The following PALD1 variants were observed in gnomAD, a reference collection of about 807,000 sequenced individuals.
PALD1 encodes the protein paladin.
Under a neutral mutation model 96.0 loss-of-function variants are expected in PALD1, and 57 were observed. The observed-to-expected ratio is 0.59, with a 90% CI of 0.48 to 0.74. The LOEUF is 0.74. Ranked by LOEUF, PALD1 falls within the 30% of genes least tolerant of loss-of-function variation. The probability of loss-of-function intolerance (pLI) is 0.00; values close to 1 mark genes in which losing one functional copy is unlikely to be tolerated. For missense variants in PALD1, 1,063 were observed against 1,143.7 expected, an observed-to-expected ratio of 0.93 and a Z score of 1.02; for synonymous variants, 464 against 473.6, an observed-to-expected ratio of 0.98 and a Z score of 0.26.
At chr10:70,538,837 T>G (rs1159973233) in intron 12 of PALD1, 55 bp from the exon 13 acceptor site, 39 of 1,497,250 alleles carry the variant, frequency 2.6e-5, no homozygotes, top group Non-Finnish European at 3.5e-5. Flanking sequence ...GTCCTGACCC[T>G]TTCTGCGGCT....
At chr10:70,490,580 TA>T (rs990235817) in intron 1 of PALD1, among the ~76,000 whole-genome samples, 5 of 152,124 alleles carry the variant, frequency 3.3e-5, no homozygotes, top group African/African-American at 1.2e-4. Context: ...ACAAAACTAT[TA>T]AAAAAACAGG....
At chr10:70,564,336 A>G in intron 18 of PALD1, 28 bp from the exon 19 acceptor site, 2 of 1,600,702 alleles carry the variant, frequency 1.2e-6, no homozygotes, top group Non-Finnish European at 1.7e-6. Context: ...ATCCCCCCAC[A>G]CTGACCCCAC....
At chr10:70,465,249 C>A in the PALD1 span, among the ~76,000 whole-genome samples, 1 of 152,236 alleles carries the variant, frequency 6.6e-6, no homozygotes, top group Non-Finnish European at 1.5e-5. Flanking sequence ...GCTGGGATTA[C>A]AGGCGTGAGC....
intron 2 of PALD1, among the ~76,000 whole-genome samples, chr10:70,529,014 G>A (rs1436240972): frequency 6.6e-6 from 1 of 152,160 alleles, no homozygotes; most frequent in Non-Finnish European, 1.5e-5. Flanking sequence ...GGGAAATGTA[G>A]TCTTCAGCTG....
the PALD1 span, among the ~76,000 whole-genome samples, chr10:70,462,024 C>T: frequency 6.6e-6 from 1 of 152,210 alleles, no homozygotes; most frequent in East Asian, 1.9e-4. Context: ...AACTCCTGAC[C>T]TTGAGCGATC....
Position 70,534,405 on chromosome 10 carries a change from T to C in PALD1, c.1023-20T>C, listed in dbSNP as rs1847063926. Reference sequence around the variant, plus strand: ...AGACCTTTGGAAGAGCCTGCTAATGTACTGACCCTGCCTCGACAGGGCTGC... The same window carrying C: ...AGACCTTTGGAAGAGCCTGCTAATGCACTGACCCTGCCTCGACAGGGCTGC... On this transcript the variant is annotated intron_variant, in intron 8 of 19. Transcript: ENST00000263563. 1 of 1,564,266 alleles carries C rather than the reference T, an allele frequency of 6.4e-7. No individual in the cohort carries two copies. Among genetic ancestry groups the C allele is most frequent in the Non-Finnish European group, 8.7e-7 (1 of 1,143,184 alleles).
chr10:70,462,587 A>G, the PALD1 span, among the ~76,000 whole-genome samples: 10 of 152,360 alleles, frequency 6.6e-5, no homozygotes, highest in East Asian at 1.9e-3. Flanking sequence ...TGTGCAGGGC[A>G]TGCACACACA....
At position 70,526,156 on chromosome 10, in the gene PALD1, T is replaced by C; in HGVS notation, c.185+20T>C. On this transcript the variant is annotated intron_variant, in intron 2 of 19. Transcript: ENST00000263563. ...GATCACGTGAGTGGCAGGGGGAGTG[T>C]GCCCATGTCCCTGGGAGACATGATG... The C allele has an allele frequency of 6.2e-7, 1 of 1,608,106 alleles. No individual in the cohort carries two copies. The highest frequency in any genetic ancestry group is 1.1e-5 in the South Asian group (1 of 90,594).
intron 7 of PALD1, 109 bp downstream of exon 7, chr10:70,533,179 G>A (rs994793864): frequency 3.2e-5 from 28 of 864,538 alleles, no homozygotes. Flanking sequence ...GCTTCATTCT[G>A]TGTTGTGTAT....
At position 70,538,318 on chromosome 10, in the gene PALD1, G is replaced by C. The variant is rs371395621; in HGVS notation, c.1362G>C (p.Leu454=). ...TTGCCCTCAGTTTCAGCCGCTGGCT[G>C]TGTGCCCACCCTGAGCTGTACCGCC... The part of the protein sequence containing the change: ...LAFALSFSRW[L]CAHPELYRLP... The change falls in exon 12 of 20, where the codon CTG becomes CTC. Residue 454 remains leucine (L), a synonymous_variant. Coordinates refer to ENST00000263563, the MANE Select transcript of PALD1 (RefSeq NM_014431.3). 29 of 1,606,338 alleles carry C rather than the reference G, an allele frequency of 1.8e-5. No homozygotes were observed. Among genetic ancestry groups the C allele is most frequent in the Non-Finnish European group, 2.3e-5 (27 of 1,179,924 alleles).
chr10:70,467,014 T>C, the PALD1 span, among the ~76,000 whole-genome samples: 2 of 152,170 alleles, frequency 1.3e-5, no homozygotes, highest in South Asian at 2.1e-4. Flanking sequence ...CTGCACCCTC[T>C]TCAGAGACTT....
intron 1 of PALD1, among the ~76,000 whole-genome samples, chr10:70,510,296 C>T (rs918033618): frequency 1.3e-5 from 2 of 152,224 alleles, no homozygotes; most frequent in East Asian, 3.9e-4. Flanking sequence ...TGTGCTTTCC[C>T]ACTGTCACTC....
Position 70,534,849 on chromosome 10 carries a change from G to T in PALD1, c.1227+6G>T, listed in dbSNP as rs1450938020. On this transcript the variant is annotated splice_donor_region_variant and intron_variant, in intron 10 of 19. Transcript: ENST00000263563. ...GACCGGAGAGCCCAGCCCAGGTGAG[G>T]CATGGAAGGACGTGTGAGCACTCTG... 1 of 1,586,450 alleles carries T rather than the reference G, an allele frequency of 6.3e-7. No homozygotes were observed. Among genetic ancestry groups the T allele is most frequent in the Non-Finnish European group, 8.6e-7 (1 of 1,157,042 alleles).
rs139172268 is a variant in PALD1 at position 70,525,917 on chromosome 10, C to T, written c.-29-6C>T. The T allele has an allele frequency of 2.7e-4, 436 of 1,611,900 alleles. 4 individuals are homozygous for T. The African/African-American group carries it at 4.9e-3, about 18-fold the overall frequency. ...CTCCTTCACTGCACACCCTCTTATCCTACAGGTCTGGGGTCCTGAGGCTGC... is the reference window on the plus strand; with the variant it reads ...CTCCTTCACTGCACACCCTCTTATCTTACAGGTCTGGGGTCCTGAGGCTGC... On this transcript the variant is annotated splice_polypyrimidine_tract_variant and splice_region_variant and intron_variant, in intron 1 of 19. Transcript: ENST00000263563.
At chr10:70,476,541 G>A (rs115518427), upstream of PALD1, among the ~76,000 whole-genome samples, 119 of 152,316 alleles carry the variant, frequency 7.8e-4, no homozygotes, top group African/African-American at 2.8e-3. Flanking sequence ...GCTGGGCACT[G>A]TGGTTTGGAT....
At chr10:70,468,036 T>C in the PALD1 span, among the ~76,000 whole-genome samples, 1 of 152,084 alleles carries the variant, frequency 6.6e-6, no homozygotes, top group Non-Finnish European at 1.5e-5. Context: ...TTTATCCCAT[T>C]TTACAGATGA....
At chr10:70,504,265 G>A (rs567289166) in intron 1 of PALD1, among the ~76,000 whole-genome samples, 4 of 152,306 alleles carry the variant, frequency 2.6e-5, no homozygotes, top group East Asian at 3.9e-4. Flanking sequence ...GGTGGCTCAC[G>A]CCCGTAATCC....
At chr10:70,537,660 AG>A (rs1195618003) in intron 10 of PALD1, 150 bp from the exon 11 acceptor site, 2 of 610,970 alleles carry the variant, frequency 3.3e-6, no homozygotes, top group Non-Finnish European at 5.9e-6. Flanking sequence ...GACACTTAGA[AG>A]AACTTACAGC....
chr10:70,567,654 A>G lies in PALD1; in HGVS notation c.*921A>G, dbSNP rs550118324. Reference sequence around the variant, plus strand: ...GTGGTTGCTGGGGTGGTCCTCATGGACAGTGAGGTGTGCAAGGGTGCACTG... The same window carrying G: ...GTGGTTGCTGGGGTGGTCCTCATGGGCAGTGAGGTGTGCAAGGGTGCACTG... On this transcript the variant is annotated 3_prime_UTR_variant, in exon 20 of 20. Coordinates refer to ENST00000263563, the MANE Select transcript of PALD1 (RefSeq NM_014431.3). The G allele has an allele frequency of 2.0e-5, 3 of 152,894 alleles. No homozygotes were observed. Among genetic ancestry groups the G allele is most frequent in the East Asian group, 1.9e-4 (1 of 5,192 alleles). The allele number at this position is 152,894 out of a possible 1,614,324, so 9.5% of individuals were successfully genotyped here.
Sources: gnomAD v4.1 joint callset for allele counts (sites outside exome capture counted in the v4.1 genomes callset) on GRCh38, gnomAD v4.1.1 for gene constraint, MANE v1.5 for transcripts, NCBI Gene and HGNC (gene_info 2026-07-23, HGNC 2026-07-21) for gene names.